KCNC1: variants seen among roughly 807,000 people sequenced by gnomAD.
KCNC1 encodes potassium voltage-gated channel subfamily C member 1.
A neutral mutation model predicts 43.4 loss-of-function variants in KCNC1; 8 were observed. The observed-to-expected ratio is 0.18, with a 90% CI of 0.11 to 0.33. The LOEUF (loss-of-function observed/expected upper bound fraction) is 0.33. Among genes scored for constraint, KCNC1 ranks in the 10% least tolerant of loss-of-function variants. KCNC1 has a pLI of 1.00. For synonymous variants in KCNC1, 361 were observed against 360.5 expected, an observed-to-expected ratio of 1.00 and a Z score of -0.01; for missense variants, 420 against 836.0, an observed-to-expected ratio of 0.50 and a Z score of 6.14.
Position 17,777,502 on chromosome 11 carries a change from C to T in KCNC1, c.1505-1954C>T, listed in dbSNP as rs933651060. Reference sequence around the variant, plus strand: ...CTCCCAACACCCTCCTCCCTCAGCCCGGAGACCCTTGGATGGAAGACTGGG... The same window carrying T: ...CTCCCAACACCCTCCTCCCTCAGCCTGGAGACCCTTGGATGGAAGACTGGG... On this transcript the variant is annotated intron_variant, in intron 2 of 3. Transcript: ENST00000265969. The surrounding 1 kb of genome is among the most constrained non-coding windows in gnomAD (Gnocchi z 4.3). The T allele has an allele frequency of 1.2e-5, 12 of 985,916 alleles. No homozygotes were observed. The highest frequency in any genetic ancestry group is 1.7e-5 in the African/African-American group (1 of 57,238). The allele number at this position is 985,916 out of a possible 1,614,324, so 61.1% of individuals were successfully genotyped here.
chr11:17,759,976 C>T (rs1326437740), intron 1 of KCNC1, among the ~76,000 whole-genome samples: 2 of 152,148 alleles, frequency 1.3e-5, no homozygotes, highest in South Asian at 2.1e-4. Flanking sequence ...AAAACGCAGT[C>T]GAACGAGGCA....
chr11:17,771,250 C>CACTT lies in KCNC1; in HGVS notation c.571-415_571-414insACTT, dbSNP rs377716110. Among the ~76,000 whole-genome samples, 105,770 of 152,016 alleles carry CACTT rather than the reference C, an allele frequency of 0.7. 37,951 individuals carry two copies. The highest frequency in any genetic ancestry group is 0.98 in the East Asian group (5,059 of 5,166). On this transcript the variant is annotated intron_variant, in intron 1 of 3. Transcript: ENST00000265969. This position sits in a 1 kb window ranked among gnomAD's most constrained non-coding sequence, Gnocchi z 4.7. ...GCAAACTTCAGCCCCAGCAGGCTAG[C>CACTT]TAAATGGGCAGGGTAGCTAAATGCC...
In KCNC1 at chr11:17,736,020, G is replaced by C; in HGVS notation, c.18G>C (p.Glu6Asp). ...GCGCCGCGATGGGCCAAGGGGACGA[G>C]AGCGAGCGCATCGTGATCAACGTGG... is the stretch of plus-strand genomic sequence containing the variant. MGQGDESERIVINVGG... is the reference protein window; with the variant it reads MGQGDDSERIVINVGG... Residue 6 changes from glutamate (E) to aspartate (D), a missense_variant, in exon 1 of 4, where the codon GAG (glutamate) becomes GAC (aspartate). Coordinates refer to ENST00000265969, the MANE Select transcript of KCNC1 (RefSeq NM_001112741.2). This position sits in a 1 kb window ranked among gnomAD's most constrained non-coding sequence, Gnocchi z 9.3. 1 of 1,517,652 alleles carries C rather than the reference G, an allele frequency of 6.6e-7. No homozygotes were observed. The highest frequency in any genetic ancestry group is 2.0e-5 in the Admixed American group (1 of 49,920). 94.0% of individuals were successfully genotyped at this position (1,517,652 alleles called of 1,614,324 possible).
chr11:17,782,889 G>C lies in KCNC1; in HGVS notation c.*1155G>C, dbSNP rs1265083079. 1 of 151,860 alleles carries C rather than the reference G, an allele frequency of 6.6e-6. No individual in the cohort carries two copies. The highest frequency in any genetic ancestry group is 1.5e-5 in the Non-Finnish European group (1 of 67,982). The allele number at this position is 151,860 out of a possible 1,614,324, so 9.4% of individuals were successfully genotyped here. On this transcript the variant is annotated 3_prime_UTR_variant, in exon 4 of 4. Coordinates refer to ENST00000265969, the MANE Select transcript of KCNC1 (RefSeq NM_001112741.2). ...CTAAAATTAGTGGGGTGGGGGGGAA[G>C]GATGATATTTTTGAAAAACACATGC...
At chr11:17,775,621 C>G in intron 2 of KCNC1, 2 of 985,660 alleles carry the variant, frequency 2.0e-6, no homozygotes, top group Non-Finnish European at 2.4e-6. Context: ...CCCAGACCGC[C>G]CACTCTGGAC....
chr11:17,747,083 C>T (rs1008378146), intron 1 of KCNC1, among the ~76,000 whole-genome samples: 34 of 152,282 alleles, frequency 2.2e-4, no homozygotes, highest in African/African-American at 7.9e-4. Context: ...TAGCTCCTGA[C>T]TCTACTATCA....
chr11:17,764,659 C>T (rs528848016), intron 1 of KCNC1, among the ~76,000 whole-genome samples: 33 of 152,292 alleles, frequency 2.2e-4, no homozygotes, highest in African/African-American at 6.7e-4. Context: ...CCCCTTGCGC[C>T]GGTGCAGCAT....
chr11:17,772,253 A>G lies in KCNC1; in HGVS notation c.1159A>G (p.Ile387Val). 1 of 1,614,122 alleles carries G rather than the reference A, an allele frequency of 6.2e-7. No homozygotes were observed. Among genetic ancestry groups the G allele is most frequent in the Non-Finnish European group, 8.5e-7 (1 of 1,180,020 alleles). The change falls in exon 2 of 4, where the codon ATC becomes GTC. Residue 387 changes from isoleucine to valine, a missense_variant. Ile to Val is a conservative substitution (Grantham distance 29). Transcript: ENST00000265969. ...CAGTGAGCACACGCACTTTAAGAAC[A>G]TCCCCATCGGCTTCTGGTGGGCCGT... is the stretch of plus-strand genomic sequence containing the variant. ...SASEHTHFKN[I>V]PIGFWWAVVT...
At chr11:17,737,359 C>A (rs1452125520) in intron 1 of KCNC1, among the ~76,000 whole-genome samples, 1 of 151,804 alleles carries the variant, frequency 6.6e-6, no homozygotes. Flanking sequence ...GAGAGGGGGT[C>A]GGTCCTTAAG....
At chr11:17,745,692 CT>C (rs1379287070) in intron 1 of KCNC1, among the ~76,000 whole-genome samples, 1 of 152,136 alleles carries the variant, frequency 6.6e-6, no homozygotes, top group Non-Finnish European at 1.5e-5. Flanking sequence ...GCCTCCATGG[CT>C]TTCCTCCCCA....
rs894742803 is a variant in KCNC1, at chr11:17,781,093, G to C, written c.1694-577G>C. 1 of 152,298 alleles carries C rather than the reference G, an allele frequency of 6.6e-6. No individual in the cohort carries two copies. Among genetic ancestry groups the C allele is most frequent in the African/African-American group, 2.4e-5 (1 of 41,470 alleles). The allele number at this position is 152,298 out of a possible 1,614,324, so 9.4% of individuals were successfully genotyped here. On this transcript the variant is annotated intron_variant, in intron 3 of 3. Coordinates refer to ENST00000265969, the MANE Select transcript of KCNC1 (RefSeq NM_001112741.2). The surrounding 1 kb of genome is among the most constrained non-coding windows in gnomAD (Gnocchi z 5.1). ...TCTGTGCCCTGCCCAGTAAGCTCTC[G>C]TGGGCTTTCTGTCTCCATCATCTTG...
In KCNC1 at chr11:17,779,809, CT is replaced by C; in HGVS notation, c.1693+167del. ...GGTCGGCCCCTGGAGGGCTGAGGCCCTTCCCCCCAAGTGAGATGTCAGGCTG... is the reference window on the plus strand; with the variant it reads ...GGTCGGCCCCTGGAGGGCTGAGGCCCTCCCCCCAAGTGAGATGTCAGGCTG... On this transcript the variant is annotated intron_variant, in intron 3 of 3. Coordinates refer to ENST00000265969, the MANE Select transcript of KCNC1 (RefSeq NM_001112741.2). The surrounding 1 kb of genome is among the most constrained non-coding windows in gnomAD (Gnocchi z 7.2). 1 of 514,848 alleles carries C rather than the reference CT, an allele frequency of 1.9e-6. No homozygotes were observed. Among genetic ancestry groups the C allele is most frequent in the South Asian group, 3.8e-5 (1 of 25,998 alleles). The allele number at this position is 514,848 out of a possible 1,614,324, so 31.9% of individuals were successfully genotyped here.
intron 1 of KCNC1, among the ~76,000 whole-genome samples, chr11:17,768,863 C>T (rs536024518): frequency 1.3e-5 from 2 of 152,236 alleles, no homozygotes; most frequent in Non-Finnish European, 2.9e-5. Flanking sequence ...AGAATGCGGC[C>T]TTCTAGGGGG....
rs140228831 is a variant in KCNC1, at chr11:17,739,211, G to A, written c.570+2639G>A. ...ACACCAGCGGGTCGGGACTTAAGTC[G>A]TTATTCTAGATCTAGGCCAGCATGT... On this transcript the variant is annotated intron_variant, in intron 1 of 3. Coordinates refer to ENST00000265969, the MANE Select transcript of KCNC1 (RefSeq NM_001112741.2). The surrounding 1 kb of genome is among the most constrained non-coding windows in gnomAD (Gnocchi z 4.2). Among the ~76,000 whole-genome samples, 2,800 of 152,306 alleles carry A rather than the reference G, an allele frequency of 0.018. 54 individuals are homozygous for A. Among genetic ancestry groups the A allele is most frequent in the Non-Finnish European group, 0.029 (1,940 of 68,030 alleles).
Position 17,771,689 on chromosome 11 carries a change from T to C in KCNC1, c.595T>C (p.Phe199Leu). The C allele has an allele frequency of 6.2e-7, 1 of 1,610,200 alleles. No homozygotes were observed. Among genetic ancestry groups the C allele is most frequent in the Non-Finnish European group, 8.5e-7 (1 of 1,176,586 alleles). Residue 199 changes from phenylalanine to leucine, a missense_variant, in exon 2 of 4, where the codon TTC becomes CTC. Transcript: ENST00000265969. The surrounding 1 kb of genome is among the most constrained non-coding windows in gnomAD (Gnocchi z 4.7). ...GTATGTGGCCTTCGCTTCCCTCTTC[T>C]TCATCCTGGTCTCCATCACCACCTT... ...ARYVAFASLF[F>L]ILVSITTFCL...
chr11:17,744,936 T>C (rs1295712353), intron 1 of KCNC1, among the ~76,000 whole-genome samples: 1 of 152,124 alleles, frequency 6.6e-6, no homozygotes, highest in African/African-American at 2.4e-5. Flanking sequence ...CTGAGGCCAC[T>C]GCTGAGTGAG....
At chr11:17,772,846 T>G in intron 2 of KCNC1, 1 of 1,365,386 alleles carries the variant, frequency 7.3e-7, no homozygotes, top group Non-Finnish European at 9.4e-7. Context: ...TCTCGTGATG[T>G]TCTGAAGAGA....
intron 1 of KCNC1, among the ~76,000 whole-genome samples, chr11:17,748,185 G>A (rs552972173): frequency 5.8e-4 from 88 of 152,164 alleles, no homozygotes; most frequent in African/African-American, 1.9e-3. Context: ...TAACTCGTGC[G>A]GCAGGGAAGC....
intron 1 of KCNC1, among the ~76,000 whole-genome samples, chr11:17,768,684 T>G (rs1255334716): frequency 6.6e-6 from 1 of 151,496 alleles, no homozygotes; most frequent in Non-Finnish European, 1.5e-5. Context: ...GCCTCCAGCC[T>G]TCAGCCAGGA....
Sources: gnomAD v4.1 joint callset for allele counts (sites outside exome capture counted in the v4.1 genomes callset) on GRCh38, gnomAD v4.1.1 for gene constraint, Gnocchi (gnomAD v3.1) non-coding constraint, MANE v1.5 for transcripts, NCBI Gene and HGNC (gene_info 2026-07-23, HGNC 2026-07-21) for gene names.